Variants in ILDR2 observed in about 807,000 individuals in gnomAD.
ILDR2 encodes immunoglobulin-like domain-containing receptor 2.
In ILDR2, 25 loss-of-function variants were observed where a neutral mutation model predicts 66.8. The ratio of observed to expected loss-of-function variants is 0.37; its 90% CI spans 0.27 to 0.52. The LOEUF is 0.52. Among genes scored for constraint, ILDR2 ranks in the 20% least tolerant of loss-of-function variants. ILDR2 has a pLI of 0.88. For synonymous variants in ILDR2, 367 were observed against 357.2 expected, an observed-to-expected ratio of 1.03 and a Z score of -0.31; for missense variants, 827 against 876.8, an observed-to-expected ratio of 0.94 and a Z score of 0.72.
rs1232736990 is a variant in ILDR2, at chr1:166,936,434, T to C, written c.703+157A>G. Among the ~76,000 whole-genome samples the C allele has an allele frequency of 1.3e-5, 2 of 152,150 alleles. No individual in the cohort carries two copies. Among genetic ancestry groups the C allele is most frequent in the Middle Eastern group, 3.2e-3 (1 of 316 alleles). On this transcript the variant is annotated intron_variant, in intron 5 of 9. Coordinates refer to ENST00000271417, the MANE Select transcript of ILDR2 (RefSeq NM_199351.3). The surrounding 1 kb of genome is among the most constrained non-coding windows in gnomAD (Gnocchi z 5.0). Reference sequence around the variant, plus strand: ...AAAGGCAAATGAGAATGGTCATCCCTGAGGCCAGGGGCACCCAGCGGAGAA... The same window carrying C: ...AAAGGCAAATGAGAATGGTCATCCCCGAGGCCAGGGGCACCCAGCGGAGAA...
downstream of ILDR2, among the ~76,000 whole-genome samples, chr1:166,904,112 C>T (rs191400755): frequency 5.9e-5 from 9 of 152,334 alleles, no homozygotes; most frequent in African/African-American, 1.9e-4. Context: ...CAGTGCCAAA[C>T]CATTGTATAG....
At chr1:166,903,460 G>A (rs1175725365), downstream of ILDR2, among the ~76,000 whole-genome samples, 1 of 152,186 alleles carries the variant, frequency 6.6e-6, no homozygotes, top group African/African-American at 2.4e-5. Flanking sequence ...GTCAAGTAAG[G>A]TGGGTGTTGC....
chr1:166,957,367 G>A (rs543239745), intron 2 of ILDR2, among the ~76,000 whole-genome samples: 72 of 152,244 alleles, frequency 4.7e-4, no homozygotes, highest in Non-Finnish European at 8.2e-4. Flanking sequence ...GTATGCATAC[G>A]TCCCTTCTCC....
chr1:166,958,451 C>A (rs776925726), intron 1 of ILDR2, among the ~76,000 whole-genome samples: 7 of 152,134 alleles, frequency 4.6e-5, no homozygotes, highest in Non-Finnish European at 1.0e-4. Flanking sequence ...CCCCTTCACT[C>A]TCTTTCTCTC....
intron 2 of ILDR2, 68 bp downstream of exon 2, chr1:166,957,701 A>G: frequency 7.4e-7 from 1 of 1,346,058 alleles, no homozygotes; most frequent in Non-Finnish European, 1.0e-6. Flanking sequence ...CCATATTGAC[A>G]TAAGGGAAGG....
At chr1:166,908,106 T>G (rs1363406098), downstream of ILDR2, 1 of 152,258 alleles carries the variant, frequency 6.6e-6, no homozygotes, top group Non-Finnish European at 1.5e-5. Flanking sequence ...TCTCCTTTCC[T>G]GTTTATACAG....
intron 6 of ILDR2, among the ~76,000 whole-genome samples, chr1:166,930,019 A>G (rs1660540210): frequency 6.6e-6 from 1 of 152,178 alleles, no homozygotes; most frequent in African/African-American, 2.4e-5. Flanking sequence ...ATTCAGTGAT[A>G]CTGCACTAGA....
At position 166,919,400 on chromosome 1, in the gene ILDR2, A is replaced by G; in HGVS notation, c.1885-10T>C. 1 of 1,604,626 alleles carries G rather than the reference A, an allele frequency of 6.2e-7. No individual in the cohort carries two copies. Among genetic ancestry groups the G allele is most frequent in the Non-Finnish European group, 8.5e-7 (1 of 1,172,868 alleles). The stretch of plus-strand genomic sequence containing the variant: ...TGGTTGGAAAGTCATTCTAGGAAAG[A>G]GCAGAAAGAGCCCAACATTAAGCCA... On this transcript the variant is annotated splice_polypyrimidine_tract_variant and intron_variant, in intron 9 of 9. Coordinates refer to ENST00000271417, the MANE Select transcript of ILDR2 (RefSeq NM_199351.3).
chr1:166,932,483 A>T (rs1464206145), intron 6 of ILDR2, among the ~76,000 whole-genome samples: 1 of 152,246 alleles, frequency 6.6e-6, no homozygotes, highest in Non-Finnish European at 1.5e-5. Flanking sequence ...TTGAATGCTG[A>T]CAGGAAGGAG....
At chr1:166,935,520 C>T in intron 5 of ILDR2, 43 bp from the exon 6 acceptor site, 1 of 1,486,338 alleles carries the variant, frequency 6.7e-7, no homozygotes, top group Non-Finnish European at 9.0e-7. Flanking sequence ...CGTCGTCCCA[C>T]CCTCCACAAC....
intron 1 of ILDR2, among the ~76,000 whole-genome samples, chr1:166,967,925 C>A (rs1052874650): frequency 6.6e-6 from 1 of 152,198 alleles, no homozygotes. Flanking sequence ...GTCACTCTGT[C>A]CAATTCTCTC....
rs1663361171 is a variant in ILDR2 at position 166,972,401 on chromosome 1, G to T, written c.46+2822C>A. ...AGGATAAAACACCACCCATATTCAGGAACAAAGACAGAGTGAACCCTCCTT... is the reference window on the plus strand; with the variant it reads ...AGGATAAAACACCACCCATATTCAGTAACAAAGACAGAGTGAACCCTCCTT... On this transcript the variant is annotated intron_variant, in intron 1 of 9. Transcript: ENST00000271417. Among the ~76,000 whole-genome samples the T allele has an allele frequency of 2.0e-5, 3 of 152,068 alleles. No individual in the cohort carries two copies. The South Asian group carries it at 6.2e-4, about 32-fold the overall frequency.
Position 166,921,506 on chromosome 1 carries a change from T to C in ILDR2, c.1212-127A>G. On this transcript the variant is annotated intron_variant, in intron 8 of 9. Transcript: ENST00000271417. The surrounding 1 kb of genome is among the most constrained non-coding windows in gnomAD (Gnocchi z 5.3). ...ACCTCGGCCTGAGCCTCAGCTCCGC[T>C]CCAGGCTGGATGAAGCATTCCAGGC... is the stretch of plus-strand genomic sequence containing the variant. 3 of 759,780 alleles carry C rather than the reference T, an allele frequency of 3.9e-6. No homozygotes were observed. Among genetic ancestry groups the C allele is most frequent in the Non-Finnish European group, 6.1e-6 (3 of 487,958 alleles). 47.1% of individuals were successfully genotyped at this position (759,780 alleles called of 1,614,324 possible).
At chr1:166,941,279 G>C (rs1661298804) in intron 3 of ILDR2, among the ~76,000 whole-genome samples, 1 of 152,178 alleles carries the variant, frequency 6.6e-6, no homozygotes, top group Non-Finnish European at 1.5e-5. Flanking sequence ...TCTGCTGCTT[G>C]CAAGGTCTCT....
chr1:166,967,811 T>C (rs1663050899), intron 1 of ILDR2, among the ~76,000 whole-genome samples: 1 of 152,180 alleles, frequency 6.6e-6, no homozygotes, highest in Admixed American at 6.5e-5. Flanking sequence ...TGTTGATGAA[T>C]GGCATCTCCA....
chr1:166,896,889 C>T (rs1659175586), intron 2 of ILDR2, among the ~76,000 whole-genome samples: 1 of 152,136 alleles, frequency 6.6e-6, no homozygotes, highest in African/African-American at 2.4e-5. Flanking sequence ...CCCACCTCAG[C>T]CTCCCAAAGT....
At position 166,939,374 on chromosome 1, in the gene ILDR2, G is replaced by C. The variant is rs1283196898; in HGVS notation, c.556+140C>G. On this transcript the variant is annotated intron_variant, in intron 4 of 9. Transcript: ENST00000271417. ...TGCAATTTAAAAGCCCTTCCAATGGGTTTAGTTAATCCTGGAAAAGATCAG... is the reference window on the plus strand; with the variant it reads ...TGCAATTTAAAAGCCCTTCCAATGGCTTTAGTTAATCCTGGAAAAGATCAG... The C allele has an allele frequency of 1.7e-5, 12 of 690,472 alleles. No individual in the cohort carries two copies. In the South Asian group the frequency reaches 2.1e-4, roughly 12 times the overall value. The allele number at this position is 690,472 out of a possible 1,614,324, so 42.8% of individuals were successfully genotyped here.
chr1:166,900,451 A>G (rs1018987215), intron 2 of ILDR2, among the ~76,000 whole-genome samples: 3 of 152,244 alleles, frequency 2.0e-5, no homozygotes, highest in African/African-American at 7.2e-5. Context: ...TGAGATTGCC[A>G]TAGATAACAA....
At chr1:166,896,432 T>C (rs1314178188) in intron 2 of ILDR2, among the ~76,000 whole-genome samples, 1 of 152,102 alleles carries the variant, frequency 6.6e-6, no homozygotes, top group Non-Finnish European at 1.5e-5. Context: ...AGGCTTGTGC[T>C]ATTGAACAAG....
Sources: allele counts gnomAD v4.1 joint callset (sites outside exome capture counted in the v4.1 genomes callset), GRCh38; gene constraint gnomAD v4.1.1; non-coding constraint Gnocchi (gnomAD v3.1); transcripts MANE v1.5; gene names NCBI Gene and HGNC (gene_info 2026-07-23, HGNC 2026-07-21).